The following COBL variants were observed in gnomAD, a reference collection of about 807,000 sequenced individuals.
The protein encoded by COBL is protein cordon-bleu.
COBL carries 51 observed loss-of-function variants against 98.8 expected under a neutral mutation model. The ratio of observed to expected loss-of-function variants is 0.52; its 90% confidence interval spans 0.41 to 0.65. COBL has a LOEUF of 0.65. Ranked by LOEUF, COBL falls within the 30% of genes least tolerant of loss-of-function variation. COBL has a pLI of 0.00. For synonymous variants in COBL, 634 were observed against 651.7 expected (o/e 0.97, Z 0.41); for missense variants, 1,617 against 1,617.5 (o/e 1.00, Z 0.01).
intron 6 of COBL, among the ~76,000 whole-genome samples, chr7:51,131,269 C>T (rs567568823): frequency 6.6e-6 from 1 of 152,214 alleles, no homozygotes; most frequent in South Asian, 2.1e-4. Flanking sequence ...TTGTCAATTA[C>T]AATAAAAATG....
intron 2 of COBL, among the ~76,000 whole-genome samples, chr7:51,219,182 A>G (rs1024145036): frequency 2.0e-5 from 3 of 152,236 alleles, no homozygotes; most frequent in Admixed American, 6.5e-5. Context: ...TCCTGAGAAG[A>G]GTGCATGTGG....
At chr7:51,024,247 T>A (rs1261077956) in intron 12 of COBL, among the ~76,000 whole-genome samples, 1 of 151,936 alleles carries the variant, frequency 6.6e-6, no homozygotes, top group Non-Finnish European at 1.5e-5. Flanking sequence ...AGGCGGAGCT[T>A]GCAGTGAGCC....
intron 5 of COBL, among the ~76,000 whole-genome samples, chr7:51,141,679 G>C (rs1185823536): frequency 6.6e-6 from 1 of 151,544 alleles, no homozygotes; most frequent in Admixed American, 6.6e-5. Context: ...GAGTGGGAGG[G>C]AAGATTCCAG....
chr7:51,095,629 T>C (rs1040609860), intron 6 of COBL, among the ~76,000 whole-genome samples: 8 of 152,010 alleles, frequency 5.3e-5, no homozygotes, highest in African/African-American at 1.9e-4. Flanking sequence ...GATCCAACTA[T>C]ACACTGTCTA....
intron 12 of COBL, among the ~76,000 whole-genome samples, chr7:51,024,215 A>G (rs902935594): frequency 6.6e-6 from 1 of 152,150 alleles, no homozygotes; most frequent in Non-Finnish European, 1.5e-5. Flanking sequence ...AGGCTGAGGC[A>G]GGAGAATGGC....
At chr7:51,039,346 G>C (rs1788948633) in intron 8 of COBL, among the ~76,000 whole-genome samples, 1 of 152,218 alleles carries the variant, frequency 6.6e-6, no homozygotes, top group South Asian at 2.1e-4. Flanking sequence ...GCTCTCACAA[G>C]TTCACCTTGA....
intron 1 of COBL, among the ~76,000 whole-genome samples, chr7:51,246,781 T>C (rs1279892789): frequency 3.9e-5 from 6 of 152,246 alleles, no homozygotes; most frequent in Non-Finnish European, 8.8e-5. Flanking sequence ...CTTCCAGAGT[T>C]TGGCAAGAAC....
At chr7:51,073,306 C>A in intron 7 of COBL, 1 of 681,202 alleles carries the variant, frequency 1.5e-6, no homozygotes, top group Non-Finnish European at 2.7e-6. Context: ...AGAAGAGACA[C>A]TGGGAAAGGT....
chr7:51,019,550 G>C (rs1463725820), intron 12 of COBL, among the ~76,000 whole-genome samples: 1 of 152,198 alleles, frequency 6.6e-6, no homozygotes, highest in African/African-American at 2.4e-5. Context: ...CAAATGTGGG[G>C]AACAGCTCTG....
At chr7:51,268,126 G>A (rs1584357387) in intron 1 of COBL, among the ~76,000 whole-genome samples, 2 of 152,206 alleles carry the variant, frequency 1.3e-5, no homozygotes, top group Admixed American at 6.5e-5. Context: ...TCAGTTCCAC[G>A]TGCCGTCTGG....
intron 6 of COBL, among the ~76,000 whole-genome samples, chr7:51,115,845 T>C (rs1797226607): frequency 6.6e-6 from 1 of 152,132 alleles, no homozygotes; most frequent in Non-Finnish European, 1.5e-5. Flanking sequence ...ATGGTGGATG[T>C]GTCTATTTCT....
At chr7:51,100,096 T>A (rs955111530) in intron 6 of COBL, among the ~76,000 whole-genome samples, 36 of 152,226 alleles carry the variant, frequency 2.4e-4, no homozygotes, top group Non-Finnish European at 5.1e-4. Context: ...CTGAAAGCCA[T>A]AACACCTTGG....
chr7:51,242,203 C>T, intron 1 of COBL, among the ~76,000 whole-genome samples: 1 of 152,192 alleles, frequency 6.6e-6, no homozygotes, highest in Non-Finnish European at 1.5e-5. Context: ...GATTGGTCCC[C>T]TCCCACAACC....
chr7:51,222,499 C>G (rs1021276296), intron 1 of COBL, among the ~76,000 whole-genome samples: 3 of 152,062 alleles, frequency 2.0e-5, no homozygotes, highest in Admixed American at 2.0e-4. Context: ...AGAGGTAAAA[C>G]TGACAAACTG....
intron 6 of COBL, among the ~76,000 whole-genome samples, chr7:51,123,457 A>C (rs1797923930): frequency 6.6e-6 from 1 of 152,150 alleles, no homozygotes; most frequent in Non-Finnish European, 1.5e-5. Flanking sequence ...TTTTGACAAG[A>C]GGCCATGTGT....
intron 6 of COBL, among the ~76,000 whole-genome samples, chr7:51,134,902 A>C (rs962720501): frequency 6.6e-6 from 1 of 152,266 alleles, no homozygotes; most frequent in Non-Finnish European, 1.5e-5. Context: ...CACAGCTAAT[A>C]TATCATGAAG....
chr7:51,209,127 T>C (rs1399291746), intron 2 of COBL, among the ~76,000 whole-genome samples: 1 of 150,248 alleles, frequency 6.7e-6, no homozygotes, highest in East Asian at 2.0e-4. Context: ...CATTCCTCCG[T>C]GACCCTGAGC....
intron 1 of COBL, among the ~76,000 whole-genome samples, chr7:51,269,180 T>C (rs564014964): frequency 1.3e-5 from 2 of 152,184 alleles, no homozygotes; most frequent in East Asian, 3.9e-4. Flanking sequence ...GCCTCAGAAC[T>C]GCTGGATCAA....
At chr7:51,136,081 G>GT (rs1799207752) in intron 6 of COBL, 77 bp downstream of exon 6, 2 of 1,521,976 alleles carry the variant, frequency 1.3e-6, no homozygotes, top group African/African-American at 1.4e-5. Flanking sequence ...GGATTACTGT[G>GT]TTCCCAGGGA....
Sources: gnomAD v4.1 joint callset for allele counts (sites outside exome capture counted in the v4.1 genomes callset) on GRCh38, gnomAD v4.1.1 for gene constraint, MANE v1.5 for transcripts, NCBI Gene and HGNC (gene_info 2026-07-23, HGNC 2026-07-21) for gene names.